Variants in CRTAC1 observed in about 807,000 individuals in gnomAD.
CRTAC1 encodes cartilage acidic protein 1.
Under a neutral mutation model 67.8 loss-of-function variants are expected in CRTAC1, and 37 were observed. That is an observed-to-expected ratio of 0.55 (90% CI 0.42 to 0.72). The LOEUF (loss-of-function observed/expected upper bound fraction) is 0.72, where lower values mean the gene tolerates loss of function less well. CRTAC1 is among the 30% of genes least tolerant of loss of function. CRTAC1 has a pLI of 0.00. For missense variants in CRTAC1, 780 were observed against 931.6 expected (o/e 0.84, Z 2.12); for synonymous variants, 348 against 371.0 (o/e 0.94, Z 0.71).
chr10:97,948,232 A>T (rs1469663986), intron 2 of CRTAC1, among the ~76,000 whole-genome samples: 1 of 152,206 alleles, frequency 6.6e-6, no homozygotes, highest in African/African-American at 2.4e-5. Context: ...AAGGGTTAAA[A>T]TAAGAGGGGT....
At chr10:97,994,045 TG>T (rs1842510915) in intron 2 of CRTAC1, among the ~76,000 whole-genome samples, 1 of 152,084 alleles carries the variant, frequency 6.6e-6, no homozygotes, top group Admixed American at 6.6e-5. Context: ...TTAGTAGACA[TG>T]GGGTTTCACC....
At chr10:98,018,017 T>C (rs1264970611) in intron 1 of CRTAC1, among the ~76,000 whole-genome samples, 7 of 150,742 alleles carry the variant, frequency 4.6e-5, no homozygotes, top group Non-Finnish European at 1.0e-4. Context: ...GCCAACATGG[T>C]GAAACCCCGT....
intron 1 of CRTAC1, among the ~76,000 whole-genome samples, chr10:98,024,851 G>A (rs1261565072): frequency 7.6e-6 from 1 of 132,058 alleles, no homozygotes; most frequent in African/African-American, 2.9e-5. Flanking sequence ...GTGGGAGAAT[G>A]ATTTGTCCAA....
At chr10:97,952,384 A>AT (rs1418723735) in intron 2 of CRTAC1, among the ~76,000 whole-genome samples, 17 of 151,308 alleles carry the variant, frequency 1.1e-4, no homozygotes, top group African/African-American at 3.4e-4. Flanking sequence ...AAATAAATAA[A>AT]AAAATTAGTG....
intron 3 of CRTAC1, among the ~76,000 whole-genome samples, chr10:97,930,215 T>C (rs928372653): frequency 6.6e-6 from 1 of 152,178 alleles, no homozygotes; most frequent in Admixed American, 6.5e-5. Context: ...CCCCCTCTCA[T>C]GTTATTAAAG....
chr10:97,993,896 C>T (rs547218560), intron 2 of CRTAC1, among the ~76,000 whole-genome samples: 9 of 152,020 alleles, frequency 5.9e-5, no homozygotes, highest in South Asian at 4.2e-4. Flanking sequence ...TGCTCTTGTC[C>T]GCCAGCCTGG....
chr10:97,929,924 G>T (rs979780707), intron 3 of CRTAC1, among the ~76,000 whole-genome samples: 2 of 152,212 alleles, frequency 1.3e-5, no homozygotes, highest in African/African-American at 4.8e-5. Context: ...GGGGAAGAAA[G>T]AACTCATTCA....
At chr10:97,890,446 C>T (rs927998008) in intron 11 of CRTAC1, among the ~76,000 whole-genome samples, 1 of 152,122 alleles carries the variant, frequency 6.6e-6, no homozygotes, top group African/African-American at 2.4e-5. Context: ...AAGCAAGTTA[C>T]AGAAACAATT....
chr10:97,972,588 T>C (rs1315594506), intron 2 of CRTAC1, among the ~76,000 whole-genome samples: 3 of 152,138 alleles, frequency 2.0e-5, no homozygotes, highest in Admixed American at 6.5e-5. Flanking sequence ...AATAAAATGT[T>C]GAAAACAAAA....
intron 8 of CRTAC1, among the ~76,000 whole-genome samples, chr10:97,898,325 T>C (rs911461032): frequency 6.6e-6 from 1 of 151,504 alleles, no homozygotes; most frequent in Non-Finnish European, 1.5e-5. Context: ...TCATGGGGAG[T>C]CCAGAGTTGG....
chr10:97,932,729 G>C (rs2051020875), intron 3 of CRTAC1, among the ~76,000 whole-genome samples: 1 of 152,160 alleles, frequency 6.6e-6, no homozygotes. Context: ...GGCAACCCGG[G>C]TCACATAGGA....
chr10:97,866,675 C>T (rs1415570683), intron 14 of CRTAC1: 1 of 152,216 alleles, frequency 6.6e-6, no homozygotes, highest in East Asian at 1.9e-4. Context: ...TATAAGCACA[C>T]CTGTGTGTGT....
At chr10:97,945,942 G>A (rs2051256906) in intron 2 of CRTAC1, among the ~76,000 whole-genome samples, 1 of 152,188 alleles carries the variant, frequency 6.6e-6, no homozygotes, top group Admixed American at 6.5e-5. Context: ...CTCAGCATGT[G>A]CTCGATGCCC....
chr10:98,021,484 G>A (rs137951890), intron 1 of CRTAC1, among the ~76,000 whole-genome samples: 1 of 152,304 alleles, frequency 6.6e-6, no homozygotes, highest in East Asian at 1.9e-4. Flanking sequence ...GAATCTCCTA[G>A]CCTTATGCAG....
At position 97,904,828 on chromosome 10, in the gene CRTAC1, G is replaced by A. The variant is rs1319109740; in HGVS notation, c.851-14C>T. ...GGTCGTCCACACCTGGGGAGGAGAG[G>A]CAGGAACTCTCAGGGCGGCATCCCC... On this transcript the variant is annotated splice_polypyrimidine_tract_variant and intron_variant, in intron 6 of 14. Coordinates refer to ENST00000370597, the MANE Select transcript of CRTAC1 (RefSeq NM_018058.7). 1 of 1,587,380 alleles carries A rather than the reference G, an allele frequency of 6.3e-7. No homozygotes were observed.
At chr10:97,953,167 G>A (rs760807947) in intron 2 of CRTAC1, among the ~76,000 whole-genome samples, 11 of 152,158 alleles carry the variant, frequency 7.2e-5, no homozygotes, top group African/African-American at 2.4e-4. Context: ...TTCCTCTGCA[G>A]CTCTGCCCAA....
At chr10:97,897,218 A>G (rs1233228587) in intron 8 of CRTAC1, among the ~76,000 whole-genome samples, 1 of 152,106 alleles carries the variant, frequency 6.6e-6, no homozygotes, top group Admixed American at 6.5e-5. Context: ...TCCTTCTCTA[A>G]TGGATGAATT....
At chr10:97,959,506 C>T (rs909335809) in intron 2 of CRTAC1, among the ~76,000 whole-genome samples, 1 of 152,206 alleles carries the variant, frequency 6.6e-6, no homozygotes, top group Non-Finnish European at 1.5e-5. Context: ...ATGGGCTGTA[C>T]AGGGCCTTGA....
chr10:97,936,131 A>G, intron 3 of CRTAC1, 39 bp downstream of exon 3: 3 of 1,539,008 alleles, frequency 1.9e-6, no homozygotes, highest in Non-Finnish European at 2.6e-6. Flanking sequence ...GGGAGGGAGA[A>G]GATGGGAAGC....
Sources: gnomAD v4.1 joint callset for allele counts (sites outside exome capture counted in the v4.1 genomes callset) on GRCh38, gnomAD v4.1.1 for gene constraint, MANE v1.5 for transcripts, NCBI Gene and HGNC (gene_info 2026-07-23, HGNC 2026-07-21) for gene names.